The following FBXL7 variants were observed in gnomAD, a reference collection of about 807,000 sequenced individuals.
The protein encoded by FBXL7 is F-box/LRR-repeat protein 7.
Under a neutral mutation model 38.3 loss-of-function variants are expected in FBXL7, and 12 were observed. The observed-to-expected ratio is 0.31, with a 90% confidence interval of 0.20 to 0.51. FBXL7 has a LOEUF of 0.51. FBXL7 is among the 20% of genes least tolerant of loss of function. The pLI is 0.98. For missense variants in FBXL7, 567 were observed against 676.4 expected (o/e 0.84, Z 1.79); for synonymous variants, 297 against 300.9 (o/e 0.99, Z 0.13).
At chr5:15,653,926 T>A (rs1361515912) in intron 2 of FBXL7, among the ~76,000 whole-genome samples, 2 of 152,312 alleles carry the variant, frequency 1.3e-5, no homozygotes, top group East Asian at 3.9e-4. Context: ...TTTTCTTCAG[T>A]GTGGTATTTA....
intron 1 of FBXL7, among the ~76,000 whole-genome samples, chr5:15,533,120 C>G (rs904032910): frequency 1.3e-5 from 2 of 152,102 alleles, no homozygotes; most frequent in African/African-American, 4.8e-5. Context: ...GGGGAGAAAT[C>G]TGGGCCAGAG....
chr5:15,676,685 T>C (rs1742664367), intron 2 of FBXL7, among the ~76,000 whole-genome samples: 1 of 152,196 alleles, frequency 6.6e-6, no homozygotes. Context: ...TGGGCTCCAA[T>C]TACAAGAGCA....
chr5:15,712,789 C>T (rs4701642), intron 2 of FBXL7, among the ~76,000 whole-genome samples: 1 of 151,884 alleles, frequency 6.6e-6, no homozygotes, highest in Non-Finnish European at 1.5e-5. Context: ...ACATGGGACA[C>T]GTGGAAGGAC....
At chr5:15,549,666 A>G (rs1057073100) in intron 1 of FBXL7, among the ~76,000 whole-genome samples, 1 of 152,226 alleles carries the variant, frequency 6.6e-6, no homozygotes, top group Non-Finnish European at 1.5e-5. Context: ...TATGAATACA[A>G]ATGTAAGAAC....
chr5:15,826,616 A>G (rs912534856), intron 2 of FBXL7, among the ~76,000 whole-genome samples: 1 of 151,980 alleles, frequency 6.6e-6, no homozygotes, highest in East Asian at 1.9e-4. Context: ...ACGGGGTTTC[A>G]CCATGTTGGC....
chr5:15,900,568 T>C (rs1741210842), intron 2 of FBXL7, among the ~76,000 whole-genome samples: 2 of 152,086 alleles, frequency 1.3e-5, no homozygotes, highest in African/African-American at 4.8e-5. Flanking sequence ...AGCAAACGTT[T>C]TATTTTGGAT....
chr5:15,588,871 A>G (rs1739378274), intron 1 of FBXL7, among the ~76,000 whole-genome samples: 1 of 152,116 alleles, frequency 6.6e-6, no homozygotes, highest in African/African-American at 2.4e-5. Context: ...ACTTTGTTCA[A>G]ACTGTGAAGA....
chr5:15,591,509 A>G (rs1363668645), intron 1 of FBXL7, among the ~76,000 whole-genome samples: 42 of 152,060 alleles, frequency 2.8e-4, no homozygotes, highest in Admixed American at 2.8e-3. Flanking sequence ...AATGAAAATA[A>G]TATTCTTGTT....
intron 2 of FBXL7, among the ~76,000 whole-genome samples, chr5:15,753,366 T>C (rs1363908382): frequency 6.6e-6 from 1 of 152,218 alleles, no homozygotes; most frequent in African/African-American, 2.4e-5. Context: ...TGATCTACAT[T>C]TTTAATGTTA....
intron 2 of FBXL7, among the ~76,000 whole-genome samples, chr5:15,718,195 G>A (rs919935094): frequency 3.9e-5 from 6 of 152,112 alleles, no homozygotes; most frequent in African/African-American, 1.4e-4. Flanking sequence ...TGAGGAGAGG[G>A]AGAGAGAGAA....
At chr5:15,699,272 T>G (rs543494896) in intron 2 of FBXL7, among the ~76,000 whole-genome samples, 2 of 152,204 alleles carry the variant, frequency 1.3e-5, no homozygotes, top group Admixed American at 1.3e-4. Context: ...CTCACAGTTC[T>G]GGAGGCTAGA....
intron 2 of FBXL7, among the ~76,000 whole-genome samples, chr5:15,634,321 T>C (rs1283902299): frequency 2.8e-5 from 4 of 145,054 alleles, no homozygotes; most frequent in Admixed American, 6.7e-5. Flanking sequence ...TTCTTTTTTT[T>C]TTTTTTTTTT....
At chr5:15,732,523 A>G (rs1291140656) in intron 2 of FBXL7, among the ~76,000 whole-genome samples, 1 of 152,006 alleles carries the variant, frequency 6.6e-6, no homozygotes, top group Admixed American at 6.6e-5. Flanking sequence ...GAATTAAGAA[A>G]CTCCAGCATG....
intron 2 of FBXL7, among the ~76,000 whole-genome samples, chr5:15,865,700 T>G (rs1195185173): frequency 6.6e-6 from 1 of 152,122 alleles, no homozygotes; most frequent in Non-Finnish European, 1.5e-5. Context: ...TTTCCCCTTC[T>G]TCTTCCCTCC....
chr5:15,626,416 C>A (rs1740820119), intron 2 of FBXL7, among the ~76,000 whole-genome samples: 1 of 152,128 alleles, frequency 6.6e-6, no homozygotes, highest in South Asian at 2.1e-4. Context: ...TACAAATGTA[C>A]AATAAAATGC....
chr5:15,634,029 C>T (rs980367352), intron 2 of FBXL7, among the ~76,000 whole-genome samples: 2 of 151,876 alleles, frequency 1.3e-5, no homozygotes, highest in Non-Finnish European at 2.9e-5. Context: ...GATCCACCTG[C>T]CTCAGCCTCC....
intron 2 of FBXL7, among the ~76,000 whole-genome samples, chr5:15,799,600 G>C (rs1004020730): frequency 6.6e-6 from 1 of 152,092 alleles, no homozygotes; most frequent in African/African-American, 2.4e-5. Flanking sequence ...AACCTCAGGT[G>C]ATCCACCAGC....
At chr5:15,775,922 G>C (rs1736846304) in intron 2 of FBXL7, among the ~76,000 whole-genome samples, 1 of 152,118 alleles carries the variant, frequency 6.6e-6, no homozygotes, top group African/African-American at 2.4e-5. Flanking sequence ...ATCTGATTAT[G>C]TGTTTTTCTA....
In FBXL7 at chr5:15,837,980, T is replaced by A. The variant is rs1738637134; in HGVS notation, c.128-89910T>A. ...TTGTTCAGGAGCAAAAGAGATATAA[T>A]CATTTCTCCTGACATTTTGAAGCTG... is the stretch of plus-strand genomic sequence containing the variant. On this transcript the variant is annotated intron_variant, in intron 2 of 3. Coordinates refer to ENST00000504595, the MANE Select transcript of FBXL7 (RefSeq NM_012304.5). 1.3e-5 allele frequency among the ~76,000 whole-genome samples: 2 copies of A among 152,184 alleles called. 1 individual carries two copies. Among genetic ancestry groups the A allele is most frequent in the African/African-American group, 4.8e-5 (2 of 41,458 alleles).
Sources: gnomAD v4.1 joint callset for allele counts (sites outside exome capture counted in the v4.1 genomes callset) on GRCh38, gnomAD v4.1.1 for gene constraint, MANE v1.5 for transcripts, NCBI Gene and HGNC (gene_info 2026-07-23, HGNC 2026-07-21) for gene names.